Variants in EXOC4 observed in about 807,000 individuals in gnomAD.
The protein encoded by EXOC4 is SEC8-like 1.
Under a neutral mutation model 107.2 loss-of-function variants are expected in EXOC4, and 71 were observed. The ratio of observed to expected loss-of-function variants is 0.66; its 90% CI spans 0.55 to 0.81. EXOC4 has a LOEUF of 0.81. EXOC4 is among the 30% of genes least tolerant of loss of function. The probability of loss-of-function intolerance (pLI) is 0.00; values close to 1 mark genes in which losing one functional copy is unlikely to be tolerated. For synonymous variants in EXOC4, 456 were observed against 441.2 expected, an observed-to-expected ratio of 1.03 and a Z score of -0.42; for missense variants, 1,108 against 1,189.6, an observed-to-expected ratio of 0.93 and a Z score of 1.01.
chr7:133,336,168 A>G (rs1340668839), intron 5 of EXOC4, among the ~76,000 whole-genome samples: 2 of 152,178 alleles, frequency 1.3e-5, no homozygotes, highest in African/African-American at 4.8e-5. Context: ...GACTATGTCC[A>G]TTGATGCACA....
rs192252457 is a variant in EXOC4, at chr7:133,641,476, A to G, written c.1514+11335A>G. On this transcript the variant is annotated intron_variant, in intron 10 of 17. Coordinates refer to ENST00000253861, the MANE Select transcript of EXOC4 (RefSeq NM_021807.4). ...CACATACATATACGTACATACAAACACACACACTCATTGCCTTCACTTTAG... is the reference window on the plus strand; with the variant it reads ...CACATACATATACGTACATACAAACGCACACACTCATTGCCTTCACTTTAG... 1.9e-3 allele frequency among the ~76,000 whole-genome samples: 294 copies of G among 152,312 alleles called. 2 individuals are homozygous for G. Among genetic ancestry groups the G allele is most frequent in the Admixed American group, 4.5e-3 (69 of 15,286 alleles).
chr7:133,510,604 C>T (rs774753669), intron 9 of EXOC4, among the ~76,000 whole-genome samples: 2 of 152,228 alleles, frequency 1.3e-5, no homozygotes, highest in African/African-American at 4.8e-5. Flanking sequence ...AAATACCTTA[C>T]GAGATCCTTT....
At chr7:133,556,937 C>T (rs1800702495) in intron 9 of EXOC4, among the ~76,000 whole-genome samples, 1 of 152,100 alleles carries the variant, frequency 6.6e-6, no homozygotes, top group South Asian at 2.1e-4. Flanking sequence ...TTTCTGCGTC[C>T]CTCTGTTTCA....
chr7:133,786,093 A>G (rs1796564004), intron 10 of EXOC4, among the ~76,000 whole-genome samples: 1 of 152,238 alleles, frequency 6.6e-6, no homozygotes, highest in Non-Finnish European at 1.5e-5. Context: ...TTTGGTAAAT[A>G]AAATAAACCA....
intron 11 of EXOC4, among the ~76,000 whole-genome samples, chr7:133,858,022 G>C (rs1798455516): frequency 6.6e-6 from 1 of 152,160 alleles, no homozygotes; most frequent in Non-Finnish European, 1.5e-5. Context: ...TACAGCTCTG[G>C]CTTGGGGAAT....
intron 10 of EXOC4, among the ~76,000 whole-genome samples, chr7:133,636,166 A>G (rs912637346): frequency 7.2e-5 from 11 of 152,190 alleles, no homozygotes; most frequent in African/African-American, 2.4e-4. Context: ...AACATTCATT[A>G]AGTGTTTGAT....
At position 133,660,803 on chromosome 7, in the gene EXOC4, G is replaced by A. The variant is rs143587084; in HGVS notation, c.1514+30662G>A. ...ACAGAATTTGATGAAAAGTGTGGAT[G>A]TGTGGGATGTACTGCCGCCTTCAGA... On this transcript the variant is annotated intron_variant, in intron 10 of 17. Transcript: ENST00000253861. 4.8e-3 allele frequency among the ~76,000 whole-genome samples: 736 copies of A among 152,260 alleles called. 3 individuals carry two copies. The highest frequency in any genetic ancestry group is 0.017 in the Middle Eastern group (5 of 294).
chr7:133,967,170 T>A (rs925268136), intron 14 of EXOC4, among the ~76,000 whole-genome samples: 1 of 152,200 alleles, frequency 6.6e-6, no homozygotes. Context: ...TCAGTGGTAA[T>A]CTCCCCTTTA....
At chr7:133,828,568 G>T (rs888903483) in intron 11 of EXOC4, among the ~76,000 whole-genome samples, 1 of 152,104 alleles carries the variant, frequency 6.6e-6, no homozygotes, top group Non-Finnish European at 1.5e-5. Flanking sequence ...AAGTTTAATG[G>T]CCATTTAAGA....
chr7:133,382,349 G>A (rs1430569770), intron 7 of EXOC4, among the ~76,000 whole-genome samples: 1 of 152,066 alleles, frequency 6.6e-6, no homozygotes, highest in East Asian at 1.9e-4. Flanking sequence ...TTTTAATGAT[G>A]GTTTAGTGTT....
chr7:133,660,992 G>A (rs1281093330), intron 10 of EXOC4, among the ~76,000 whole-genome samples: 1 of 152,110 alleles, frequency 6.6e-6, no homozygotes, highest in Non-Finnish European at 1.5e-5. Flanking sequence ...TTTGCTCAAG[G>A]TTATAGAACA....
intron 17 of EXOC4, among the ~76,000 whole-genome samples, chr7:134,039,847 T>C (rs1246457678): frequency 1.3e-5 from 2 of 152,226 alleles, no homozygotes; most frequent in East Asian, 3.8e-4. Context: ...CTGTATCTGG[T>C]CCTAGCAACT....
intron 13 of EXOC4, among the ~76,000 whole-genome samples, chr7:133,930,950 T>TA (rs148063677): frequency 0.048 from 7,294 of 152,232 alleles, 273 homozygotes; most frequent in Non-Finnish European, 0.066. Context: ...TATTTTTAGT[T>TA]ACTACTTCAG....
At chr7:133,658,992 C>A (rs1034091955) in intron 10 of EXOC4, among the ~76,000 whole-genome samples, 85 of 112,986 alleles carry the variant, frequency 7.5e-4, no homozygotes, top group Non-Finnish European at 1.2e-3. Flanking sequence ...GTGAAGACTT[C>A]AGAGAAGCTT....
chr7:134,093,476 C>T, the EXOC4 span, among the ~76,000 whole-genome samples: 173 of 152,194 alleles, frequency 1.1e-3, 1 homozygote, highest in Middle Eastern at 3.4e-3. Flanking sequence ...AATAACAGAG[C>T]GGGGCTTCAA....
intron 14 of EXOC4, among the ~76,000 whole-genome samples, chr7:133,976,042 G>A (rs1793825175): frequency 6.6e-6 from 1 of 152,150 alleles, no homozygotes; most frequent in African/African-American, 2.4e-5. Flanking sequence ...GTCAATCACA[G>A]ATGAGTGCAT....
At chr7:133,461,784 G>T (rs1798599808) in intron 7 of EXOC4, among the ~76,000 whole-genome samples, 1 of 152,178 alleles carries the variant, frequency 6.6e-6, no homozygotes, top group African/African-American at 2.4e-5. Flanking sequence ...ATAAGTAGCT[G>T]CTGTTTGGAG....
chr7:133,968,634 AT>A (rs891332873), intron 14 of EXOC4, among the ~76,000 whole-genome samples: 29 of 150,150 alleles, frequency 1.9e-4, no homozygotes, highest in East Asian at 9.8e-4. Context: ...TCTGGGTTGA[AT>A]TTTTTTTTTC....
intron 17 of EXOC4, among the ~76,000 whole-genome samples, chr7:134,042,463 A>C (rs1399514846): frequency 6.8e-6 from 1 of 147,650 alleles, no homozygotes; most frequent in Non-Finnish European, 1.5e-5. Context: ...ATTGAGTGAC[A>C]CAGAGCATGC....
Sources: allele counts gnomAD v4.1 joint callset (sites outside exome capture counted in the v4.1 genomes callset), GRCh38; gene constraint gnomAD v4.1.1; transcripts MANE v1.5; gene names NCBI Gene and HGNC (gene_info 2026-07-23, HGNC 2026-07-21).